Variants in SDK1 observed in about 807,000 individuals in gnomAD.
SDK1 encodes the protein protein sidekick-1.
SDK1 carries 157 observed loss-of-function variants against 245.5 expected under a neutral mutation model. The ratio of observed to expected loss-of-function variants is 0.64; its 90% CI spans 0.56 to 0.73. The LOEUF is 0.73. Ranked by LOEUF, SDK1 falls within the 30% of genes least tolerant of loss-of-function variation. The pLI is 0.00. For synonymous variants in SDK1, 1,647 were observed against 1,278.5 expected (o/e 1.29, Z -6.15); for missense variants, 3,583 against 3,002.3 (o/e 1.19, Z -4.52).
chr7:3,382,760 T>G (rs1197067571), intron 1 of SDK1, among the ~76,000 whole-genome samples: 1 of 152,194 alleles, frequency 6.6e-6, no homozygotes, highest in Non-Finnish European at 1.5e-5. Flanking sequence ...TCATTACACA[T>G]CTAGTGTCTC....
chr7:4,252,858 G>T, intron 44 of SDK1, among the ~76,000 whole-genome samples: 1 of 139,540 alleles, frequency 7.2e-6, no homozygotes, highest in African/African-American at 2.7e-5. Flanking sequence ...TTAAGTCAGT[G>T]TCACTCATTT....
intron 14 of SDK1, among the ~76,000 whole-genome samples, chr7:4,002,992 G>A (rs935812146): frequency 2.6e-5 from 4 of 152,202 alleles, no homozygotes; most frequent in Admixed American, 2.6e-4. Flanking sequence ...CTAGCCCTTT[G>A]CTACTGCTCC....
rs569666238 is a variant in SDK1, at chr7:4,048,846, C to T, written c.2603-502C>T. On this transcript the variant is annotated intron_variant, in intron 17 of 44. Transcript: ENST00000404826. ...TGGAAAATCCAAAAATGATTGTCCC[C>T]GTTGACAGACAAAGAGAAATTTAAC... Among the ~76,000 whole-genome samples the T allele has an allele frequency of 2.2e-4, 34 of 152,234 alleles. 1 individual carries two copies. Among genetic ancestry groups the T allele is most frequent in the African/African-American group, 7.7e-4 (32 of 41,538 alleles).
chr7:3,414,220 A>T (rs987554257), intron 1 of SDK1, among the ~76,000 whole-genome samples: 8 of 152,142 alleles, frequency 5.3e-5, no homozygotes, highest in African/African-American at 1.9e-4. Flanking sequence ...AGGCAGGAAG[A>T]GACAAGGTTG....
At position 3,718,805 on chromosome 7, in the gene SDK1, G is replaced by A. The variant is rs141193539; in HGVS notation, c.713+76700G>A. Reference sequence around the variant, plus strand: ...GTACAATAAGGTAGGAAAAAAAAAGGCATCCAAGTTTGAAAGGAGGAATAA... The same window carrying A: ...GTACAATAAGGTAGGAAAAAAAAAGACATCCAAGTTTGAAAGGAGGAATAA... On this transcript the variant is annotated intron_variant, in intron 4 of 44. Coordinates refer to ENST00000404826, the MANE Select transcript of SDK1 (RefSeq NM_152744.4). Among the ~76,000 whole-genome samples the A allele has an allele frequency of 2.0e-5, 3 of 151,904 alleles. No individual in the cohort carries two copies. The South Asian group carries it at 6.2e-4, about 32-fold the overall frequency.
At chr7:3,435,200 G>T (rs1184434554) in intron 1 of SDK1, among the ~76,000 whole-genome samples, 2 of 150,880 alleles carry the variant, frequency 1.3e-5, no homozygotes, top group African/African-American at 2.4e-5. Context: ...ATTATTTATG[G>T]AAGATAGTGA....
intron 28 of SDK1, 87 bp downstream of exon 28, chr7:4,132,510 C>T: frequency 6.4e-6 from 6 of 932,644 alleles, no homozygotes; most frequent in Admixed American, 2.0e-5. Context: ...TTGCTTGAGC[C>T]CAGGAGTTCA....
intron 1 of SDK1, among the ~76,000 whole-genome samples, chr7:3,376,057 C>T (rs772035524): frequency 1.2e-4 from 18 of 152,106 alleles, no homozygotes; most frequent in Non-Finnish European, 2.5e-4. Flanking sequence ...ATGTGCTGGG[C>T]ATGGTAGCTT....
At chr7:3,774,801 T>A (rs1780503976) in intron 4 of SDK1, among the ~76,000 whole-genome samples, 2 of 152,226 alleles carry the variant, frequency 1.3e-5, no homozygotes, top group Admixed American at 1.3e-4. Context: ...TTGTCCAGCC[T>A]TATAAATTTT....
chr7:4,174,092 C>A, intron 32 of SDK1, 130 bp from the exon 33 acceptor site: 1 of 931,544 alleles, frequency 1.1e-6, no homozygotes, highest in Non-Finnish European at 1.7e-6. Flanking sequence ...ATGAATCTGA[C>A]ACCTGTCGCT....
At chr7:4,246,772 T>G (rs1786891704) in intron 44 of SDK1, among the ~76,000 whole-genome samples, 1 of 152,100 alleles carries the variant, frequency 6.6e-6, no homozygotes, top group Non-Finnish European at 1.5e-5. Flanking sequence ...AGTGTCAGCC[T>G]CCACGCGCTC....
chr7:3,607,043 G>A lies in SDK1; in HGVS notation c.299-12037G>A, dbSNP rs144545333. ...TGATAAAAAGAGAAAGGGCTTCCAAGATGCACCTTCAACTTCTCTCAATAG... is the reference window on the plus strand; with the variant it reads ...TGATAAAAAGAGAAAGGGCTTCCAAAATGCACCTTCAACTTCTCTCAATAG... On this transcript the variant is annotated intron_variant, in intron 1 of 44. Transcript: ENST00000404826. Among the ~76,000 whole-genome samples, 1,195 of 152,226 alleles carry A rather than the reference G, an allele frequency of 7.9e-3. 6 individuals carry two copies. The highest frequency in any genetic ancestry group is 9.7e-3 in the Admixed American group (149 of 15,290).
At chr7:3,475,847 G>A (rs1313789474) in intron 1 of SDK1, among the ~76,000 whole-genome samples, 1 of 152,180 alleles carries the variant, frequency 6.6e-6, no homozygotes, top group African/African-American at 2.4e-5. Flanking sequence ...CTGGCTCTCT[G>A]TGGCATCATG....
intron 35 of SDK1, among the ~76,000 whole-genome samples, chr7:4,191,135 C>G (rs1783181676): frequency 6.6e-6 from 1 of 152,162 alleles, no homozygotes; most frequent in Admixed American, 6.5e-5. Context: ...GCCCCAGGGA[C>G]TCTGAGGTCC....
intron 17 of SDK1, among the ~76,000 whole-genome samples, chr7:4,036,615 T>C (rs12386628): frequency 0.086 from 13,075 of 152,172 alleles, 1,306 homozygotes; most frequent in African/African-American, 0.24. Context: ...CTCCAAAATG[T>C]GTGTGAAAAT....
chr7:3,486,783 A>C (rs946024945), intron 1 of SDK1, among the ~76,000 whole-genome samples: 1 of 152,070 alleles, frequency 6.6e-6, no homozygotes, highest in African/African-American at 2.4e-5. Context: ...GTATTTTTTT[A>C]ATTTGTAAAT....
chr7:3,917,002 A>G lies in SDK1; in HGVS notation c.848-33921A>G, dbSNP rs556042306. ...CATTTTGATGACTATTCTAGGCCCAAAAGCTCACAGACTGGGGGCAAATCT... is the reference window on the plus strand; with the variant it reads ...CATTTTGATGACTATTCTAGGCCCAGAAGCTCACAGACTGGGGGCAAATCT... On this transcript the variant is annotated intron_variant, in intron 5 of 44. Transcript: ENST00000404826. Among the ~76,000 whole-genome samples the G allele has an allele frequency of 3.9e-5, 6 of 152,356 alleles. No individual in the cohort carries two copies. In the East Asian group the frequency reaches 1.2e-3, roughly 29 times the overall value.
chr7:4,030,521 G>T (rs536166005), intron 17 of SDK1, among the ~76,000 whole-genome samples: 1 of 152,314 alleles, frequency 6.6e-6, no homozygotes, highest in East Asian at 1.9e-4. Context: ...CAGCAAGTTG[G>T]CACATGCCGT....
intron 5 of SDK1, among the ~76,000 whole-genome samples, chr7:3,868,097 G>T (rs1305592150): frequency 6.6e-6 from 1 of 152,184 alleles, no homozygotes; most frequent in Non-Finnish European, 1.5e-5. Flanking sequence ...GACTGCAGCT[G>T]TGTGGCGTGG....
Sources: allele counts gnomAD v4.1 joint callset (sites outside exome capture counted in the v4.1 genomes callset), GRCh38; gene constraint gnomAD v4.1.1; transcripts MANE v1.5; gene names NCBI Gene and HGNC (gene_info 2026-07-23, HGNC 2026-07-21).